The following ARHGEF7 variants were observed in gnomAD, a reference collection of about 807,000 sequenced individuals.
ARHGEF7 encodes PAK-interacting exchange factor beta.
Under a neutral mutation model 109.8 loss-of-function variants are expected in ARHGEF7, and 33 were observed. The observed-to-expected ratio is 0.30, with a 90% confidence interval of 0.23 to 0.40. The LOEUF (loss-of-function observed/expected upper bound fraction) is 0.40. Ranked by LOEUF, ARHGEF7 falls within the 10% of genes least tolerant of loss-of-function variation. The pLI is 1.00. For missense variants in ARHGEF7, 938 were observed against 1,098.5 expected (o/e 0.85, Z 2.07); for synonymous variants, 458 against 424.6 (o/e 1.08, Z -0.97).
chr13:111,245,458 A>G (rs1438854543), intron 8 of ARHGEF7, among the ~76,000 whole-genome samples: 1 of 152,192 alleles, frequency 6.6e-6, no homozygotes, highest in African/African-American at 2.4e-5. Flanking sequence ...CTCATGAGGT[A>G]CCCACTTACC....
At chr13:111,136,946 A>G (rs758200533) in intron 1 of ARHGEF7, among the ~76,000 whole-genome samples, 2 of 152,250 alleles carry the variant, frequency 1.3e-5, no homozygotes, top group Non-Finnish European at 2.9e-5. Flanking sequence ...GCAAACTACC[A>G]TCAGAGAATA....
intron 17 of ARHGEF7, 140 bp from the exon 18 acceptor site, chr13:111,288,214 C>A: frequency 2.2e-6 from 1 of 455,456 alleles, no homozygotes; most frequent in Non-Finnish European, 4.0e-6. Context: ...TTGTAGAAAA[C>A]AGTTATCTGA....
rs138694292 is a variant in ARHGEF7 at position 111,124,018 on chromosome 13, T to C, written c.165+8327T>C. Among the ~76,000 whole-genome samples, 1,364 of 152,376 alleles carry C rather than the reference T, an allele frequency of 9.0e-3. 12 individuals carry two copies. The highest frequency in any genetic ancestry group is 0.031 in the African/African-American group (1,288 of 41,584). ...AACTTTTCTACTAACATTTTTTATTTTGACCTACTTTGGCTATTTTTTTTT... is the reference window on the plus strand; with the variant it reads ...AACTTTTCTACTAACATTTTTTATTCTGACCTACTTTGGCTATTTTTTTTT... On this transcript the variant is annotated intron_variant, in intron 1 of 21. Transcript: ENST00000646102.
chr13:111,183,942 C>T (rs1042233409), intron 2 of ARHGEF7, among the ~76,000 whole-genome samples: 3 of 152,004 alleles, frequency 2.0e-5, no homozygotes, highest in East Asian at 3.8e-4. Flanking sequence ...TGGCCGGGTG[C>T]GGGTGGGACT....
At chr13:111,162,083 A>G (rs974540684) in intron 2 of ARHGEF7, among the ~76,000 whole-genome samples, 6 of 152,196 alleles carry the variant, frequency 3.9e-5, no homozygotes, top group Non-Finnish European at 8.8e-5. Context: ...AAAGGCTTTG[A>G]ACACCTGCTA....
intron 2 of ARHGEF7, among the ~76,000 whole-genome samples, chr13:111,170,821 TGGGTACTTGG>T (rs1282457728): frequency 6.6e-6 from 1 of 152,206 alleles, no homozygotes; most frequent in South Asian, 2.1e-4. Flanking sequence ...ACCTGCTTGT[TGGGTACTTGG>T]GACAAGAAGT....
At chr13:111,299,713 T>G (rs2093517846) in intron 19 of ARHGEF7, among the ~76,000 whole-genome samples, 1 of 152,200 alleles carries the variant, frequency 6.6e-6, no homozygotes, top group Admixed American at 6.5e-5. Context: ...ACAGTGAGGC[T>G]GCACAGCAAG....
In ARHGEF7 at chr13:111,153,971, G is replaced by C. The variant is rs1396612294; in HGVS notation, c.232G>C (p.Gly78Arg). 1 of 1,603,262 alleles carries C rather than the reference G, an allele frequency of 6.2e-7. No individual in the cohort carries two copies. Among genetic ancestry groups the C allele is most frequent in the Non-Finnish European group, 8.5e-7 (1 of 1,176,740 alleles). The change falls in exon 2 of 22, where the codon GGG becomes CGG. Residue 78 changes from glycine to arginine, a missense_variant. Physicochemically the swap from Gly to Arg is moderately radical, Grantham distance 125. Coordinates refer to ENST00000646102, the MANE Select transcript of ARHGEF7 (RefSeq NM_001354046.2). ...CATCCGCGAGTTCCTGCGCGGCTGCGGGGCTTCCCTGCGGCTGGAGGTGAG... is the reference window on the plus strand; with the variant it reads ...CATCCGCGAGTTCCTGCGCGGCTGCCGGGCTTCCCTGCGGCTGGAGGTGAG... Reference protein sequence around the residue: ...SNIREFLRGCGASLRLETFDA... With the variant: ...SNIREFLRGCRASLRLETFDA...
At chr13:111,184,815 G>A (rs1158657066) in intron 2 of ARHGEF7, 4 of 152,654 alleles carry the variant, frequency 2.6e-5, no homozygotes, top group Non-Finnish European at 5.8e-5. Context: ...TACCGGCCCC[G>A]TGGGCTTCAC....
intron 5 of ARHGEF7, among the ~76,000 whole-genome samples, chr13:111,230,685 T>C (rs905491473): frequency 1.3e-5 from 2 of 152,082 alleles, no homozygotes; most frequent in African/African-American, 4.8e-5. Flanking sequence ...CGCTTCCTGA[T>C]TGGAAGCAAG....
chr13:111,283,123 T>A lies in ARHGEF7; in HGVS notation c.1726-16T>A, dbSNP rs747649676. The A allele has an allele frequency of 1.3e-5, 20 of 1,570,630 alleles. No individual in the cohort carries two copies. The highest frequency in any genetic ancestry group is 1.6e-5 in the Non-Finnish European group (19 of 1,157,294). On this transcript the variant is annotated splice_polypyrimidine_tract_variant and intron_variant, in intron 15 of 21. Coordinates refer to ENST00000646102, the MANE Select transcript of ARHGEF7 (RefSeq NM_001354046.2). ...GTCTCATGTTCTCTGCCCTTCCCGC[T>A]CTGTGCCCTTGGCAGCTCCCCTCCC...
Position 111,205,299 on chromosome 13 carries a change from C to G in ARHGEF7, c.263C>G (p.Ala88Gly). The G allele has an allele frequency of 6.3e-7, 1 of 1,599,850 alleles. No individual in the cohort carries two copies. Among genetic ancestry groups the G allele is most frequent in the Non-Finnish European group, 8.5e-7 (1 of 1,176,714 alleles). ...AATTTTTCCTTTCAGACGTTTGATG[C>G]AAATGATTTGTATCAGGGGCAGAAT... ...GASLRLETFD[A>G]NDLYQGQNFN... is the part of the protein sequence containing the mutation. Residue 88 changes from alanine to glycine, a missense_variant, in exon 3 of 22, where the codon GCA becomes GGA. Physicochemically the swap from Ala to Gly is moderately conservative, Grantham distance 60 (BLOSUM62 0). Transcript: ENST00000646102.
At chr13:111,267,737 A>G in intron 9 of ARHGEF7, 67 bp downstream of exon 9, 1 of 1,576,482 alleles carries the variant, frequency 6.3e-7, no homozygotes, top group South Asian at 1.1e-5. Flanking sequence ...ATAGTGCATG[A>G]AATAGTATGA....
intron 2 of ARHGEF7, among the ~76,000 whole-genome samples, chr13:111,194,414 T>C (rs555437146): frequency 6.6e-6 from 1 of 152,198 alleles, no homozygotes; most frequent in Non-Finnish European, 1.5e-5. Flanking sequence ...CAGTCCATAG[T>C]TGGCAAAACC....
chr13:111,172,333 A>G (rs930103072), intron 2 of ARHGEF7, among the ~76,000 whole-genome samples: 2 of 151,790 alleles, frequency 1.3e-5, no homozygotes, highest in Non-Finnish European at 2.9e-5. Context: ...AAATGGAAGC[A>G]CTCACTGAAT....
intron 3 of ARHGEF7, 123 bp from the exon 4 acceptor site, chr13:111,209,749 G>C: frequency 8.9e-7 from 1 of 1,127,836 alleles, no homozygotes; most frequent in Non-Finnish European, 1.2e-6. Context: ...TAAATGGGCT[G>C]CTTTGTTGTG....
intron 9 of ARHGEF7, among the ~76,000 whole-genome samples, chr13:111,270,364 C>A (rs1241866219): frequency 6.6e-6 from 1 of 152,040 alleles, no homozygotes; most frequent in African/African-American, 2.4e-5. Flanking sequence ...GCTGAAAGAG[C>A]AGTCTTTGGT....
chr13:111,220,110 C>T (rs775695567), intron 5 of ARHGEF7, among the ~76,000 whole-genome samples: 44 of 152,246 alleles, frequency 2.9e-4, no homozygotes, highest in Admixed American at 1.3e-4. Flanking sequence ...GAGCCCATCT[C>T]CTAGCCCAGC....
rs577943962 is a variant in ARHGEF7, at chr13:111,295,290, A to C, written c.2311+2996A>C. On this transcript the variant is annotated intron_variant, in intron 19 of 21. Transcript: ENST00000646102. ...TTCTACCTGAACGGAACATCTTCCA[A>C]AGGCAGGCAGGTGATAGATAGAACC... The C allele has an allele frequency of 7.6e-6, 6 of 785,052 alleles. 1 individual carries two copies. In the African/African-American group the frequency reaches 1.1e-4, roughly 15 times the overall value. The allele number at this position is 785,052 out of a possible 1,614,324, so 48.6% of individuals were successfully genotyped here. A position where few individuals can be genotyped will look rare whatever the true frequency, so the allele number is the denominator to read the frequency against.
Sources: gnomAD v4.1 joint callset for allele counts (sites outside exome capture counted in the v4.1 genomes callset) on GRCh38, gnomAD v4.1.1 for gene constraint, MANE v1.5 for transcripts, NCBI Gene and HGNC (gene_info 2026-07-23, HGNC 2026-07-21) for gene names.